Variants in SH3D19 observed in about 807,000 individuals in gnomAD.
SH3D19 encodes SH3 domain-containing protein 19.
A neutral mutation model predicts 112.1 loss-of-function variants in SH3D19; 58 were observed. The observed-to-expected ratio is 0.52, with a 90% confidence interval of 0.42 to 0.64. The LOEUF (loss-of-function observed/expected upper bound fraction) is 0.64. Among genes scored for constraint, SH3D19 ranks in the 30% least tolerant of loss-of-function variants. The pLI, the probability that SH3D19 is intolerant of heterozygous loss-of-function variation, is 0.00. For missense variants in SH3D19, 1,090 were observed against 1,263.4 expected, an observed-to-expected ratio of 0.86 and a Z score of 2.08; for synonymous variants, 391 against 448.5, an observed-to-expected ratio of 0.87 and a Z score of 1.62.
chr4:151,204,730 A>C (rs188361121), intron 2 of SH3D19, among the ~76,000 whole-genome samples: 383 of 152,356 alleles, frequency 2.5e-3, no homozygotes, highest in Non-Finnish European at 3.7e-3. Flanking sequence ...TAAGCAGAAC[A>C]AATCTATGGG....
intron 2 of SH3D19, among the ~76,000 whole-genome samples, chr4:151,225,127 T>C (rs1290179098): frequency 6.6e-6 from 1 of 152,224 alleles, no homozygotes; most frequent in East Asian, 1.9e-4. Flanking sequence ...ATAGATCTTA[T>C]ATTTTTATTG....
chr4:151,122,700 CAT>C (rs780218255), intron 19 of SH3D19, among the ~76,000 whole-genome samples: 19 of 152,240 alleles, frequency 1.2e-4, no homozygotes, highest in Non-Finnish European at 1.0e-4. Context: ...CTGAAGGTGT[CAT>C]ATAGGCAAAG....
At chr4:151,284,132 G>A (rs930292063) in intron 1 of SH3D19, among the ~76,000 whole-genome samples, 8 of 151,986 alleles carry the variant, frequency 5.3e-5, no homozygotes, top group Non-Finnish European at 1.2e-4. Context: ...ACCAACACTT[G>A]GAAATTTTTC....
intron 19 of SH3D19, among the ~76,000 whole-genome samples, chr4:151,125,366 G>A (rs1049238324): frequency 6.6e-6 from 1 of 152,030 alleles, no homozygotes; most frequent in Non-Finnish European, 1.5e-5. Context: ...AGGGAGCTGA[G>A]GGGTGGAGAA....
intron 9 of SH3D19, among the ~76,000 whole-genome samples, chr4:151,152,911 C>T (rs776969546): frequency 6.6e-6 from 1 of 151,170 alleles, no homozygotes; most frequent in Non-Finnish European, 1.5e-5. Context: ...TCTTGGCTCA[C>T]TGCAACCTCC....
chr4:151,201,394 T>C (rs1764369912), intron 2 of SH3D19, among the ~76,000 whole-genome samples: 1 of 152,260 alleles, frequency 6.6e-6, no homozygotes, highest in African/African-American at 2.4e-5. Context: ...ATTAAATCCA[T>C]ATAACATTTA....
chr4:151,203,796 G>A (rs750223459), intron 2 of SH3D19, among the ~76,000 whole-genome samples: 2 of 152,026 alleles, frequency 1.3e-5, no homozygotes, highest in African/African-American at 2.4e-5. Flanking sequence ...GAATAATGAC[G>A]TTTCTCTTAC....
At chr4:151,168,395 A>ATTTC (rs148678625) in intron 7 of SH3D19, among the ~76,000 whole-genome samples, 9,633 of 50,638 alleles carry the variant, frequency 0.19, 601 homozygotes, top group East Asian at 0.42. Flanking sequence ...TTCGAGTAGC[A>ATTTC]TTTCTTTTTT....
At chr4:151,303,985 A>AT (rs112471104) in intron 1 of SH3D19, among the ~76,000 whole-genome samples, 2,720 of 143,664 alleles carry the variant, frequency 0.019, 29 homozygotes, top group African/African-American at 0.028. Context: ...ATAAAAGCAG[A>AT]TTTTTTTTTT....
chr4:151,184,758 A>G (rs1274967539), intron 3 of SH3D19, among the ~76,000 whole-genome samples: 1 of 152,074 alleles, frequency 6.6e-6, no homozygotes, highest in Middle Eastern at 3.2e-3. Context: ...ATTACAGTCC[A>G]TATCTCTCCT....
chr4:151,283,682 C>G (rs1774470320), intron 1 of SH3D19, among the ~76,000 whole-genome samples: 1 of 151,764 alleles, frequency 6.6e-6, no homozygotes, highest in Non-Finnish European at 1.5e-5. Context: ...CTCACCAGGC[C>G]CACATACTTT....
chr4:151,320,799 G>A (rs1730457468), intron 1 of SH3D19, among the ~76,000 whole-genome samples: 1 of 152,164 alleles, frequency 6.6e-6, no homozygotes, highest in South Asian at 2.1e-4. Flanking sequence ...CAGCACTTTG[G>A]GAGGCCAAGG....
At chr4:151,164,687 C>T (rs1757693472) in intron 8 of SH3D19, among the ~76,000 whole-genome samples, 1 of 151,448 alleles carries the variant, frequency 6.6e-6, no homozygotes, top group Non-Finnish European at 1.5e-5. Context: ...TCAAGTGATT[C>T]TCCTGCCTCA....
At chr4:151,269,216 T>C (rs1325496930) in intron 1 of SH3D19, among the ~76,000 whole-genome samples, 1 of 152,204 alleles carries the variant, frequency 6.6e-6, no homozygotes, top group Non-Finnish European at 1.5e-5. Context: ...TTTTCATGTG[T>C]TTTTTGGCTG....
intron 1 of SH3D19, among the ~76,000 whole-genome samples, chr4:151,278,192 T>C (rs1022788591): frequency 5.9e-5 from 9 of 152,232 alleles, no homozygotes; most frequent in Non-Finnish European, 1.3e-4. Flanking sequence ...GAGGGCATCA[T>C]TGTATTTATA....
intron 11 of SH3D19, among the ~76,000 whole-genome samples, chr4:151,146,609 T>G (rs1261757022): frequency 1.3e-5 from 2 of 152,352 alleles, no homozygotes; most frequent in Non-Finnish European, 2.9e-5. Flanking sequence ...CTCGGCTCAC[T>G]GCAACCTCTG....
chr4:151,291,930 A>T (rs762271543), intron 1 of SH3D19, among the ~76,000 whole-genome samples: 6 of 152,202 alleles, frequency 3.9e-5, no homozygotes, highest in Non-Finnish European at 5.9e-5. Context: ...TAAAAAATTC[A>T]TATAAAGCCA....
At chr4:151,238,827 T>C (rs2149965265) in intron 1 of SH3D19, among the ~76,000 whole-genome samples, 1 of 152,242 alleles carries the variant, frequency 6.6e-6, no homozygotes, top group South Asian at 2.1e-4. Context: ...ACAAACTACC[T>C]GAGGATAGGG....
At chr4:151,269,837 T>TAA (rs58224731) in intron 1 of SH3D19, among the ~76,000 whole-genome samples, 27 of 150,498 alleles carry the variant, frequency 1.8e-4, no homozygotes, top group Non-Finnish European at 3.4e-4. Context: ...AGCTTTTCTT[T>TAA]AAAAAAAAAC....
Sources: allele counts gnomAD v4.1 joint callset (sites outside exome capture counted in the v4.1 genomes callset), GRCh38; gene constraint gnomAD v4.1.1; transcripts MANE v1.5; gene names NCBI Gene and HGNC (gene_info 2026-07-23, HGNC 2026-07-21).